Variants in GRID1 observed in about 807,000 individuals in gnomAD.
GRID1 encodes glutamate receptor ionotropic, delta-1.
Under a neutral mutation model 98.0 loss-of-function variants are expected in GRID1, and 28 were observed. That is an observed-to-expected ratio of 0.29 (90% CI 0.21 to 0.39). The LOEUF is 0.39. Among genes scored for constraint, GRID1 ranks in the 10% least tolerant of loss-of-function variants. GRID1 has a pLI of 1.00. For missense variants in GRID1, 1,111 were observed against 1,340.5 expected (o/e 0.83, Z 2.67); for synonymous variants, 553 against 538.5 (o/e 1.03, Z -0.37).
chr10:85,875,673 G>A (rs1309125881), intron 5 of GRID1, among the ~76,000 whole-genome samples: 1 of 151,956 alleles, frequency 6.6e-6, no homozygotes, highest in Non-Finnish European at 1.5e-5. Flanking sequence ...ATTTTAATAT[G>A]CATATCTAAT....
intron 2 of GRID1, among the ~76,000 whole-genome samples, chr10:86,222,648 GC>G (rs1846275657): frequency 6.6e-6 from 1 of 152,184 alleles, no homozygotes; most frequent in Non-Finnish European, 1.5e-5. Context: ...AGCTGTAGGA[GC>G]CCCTAAGTGC....
chr10:86,057,089 G>T (rs1843585244), intron 4 of GRID1, among the ~76,000 whole-genome samples: 2 of 152,220 alleles, frequency 1.3e-5, no homozygotes, highest in Non-Finnish European at 2.9e-5. Context: ...TGGCCCTCGA[G>T]AACCCTCCAG....
intron 4 of GRID1, among the ~76,000 whole-genome samples, chr10:86,131,271 A>T (rs1844832250): frequency 6.6e-6 from 1 of 152,112 alleles, no homozygotes; most frequent in Non-Finnish European, 1.5e-5. Flanking sequence ...CCTCAGGCTC[A>T]GAGGCGAGGC....
At chr10:86,248,015 A>T (rs1846759411) in intron 2 of GRID1, among the ~76,000 whole-genome samples, 1 of 152,164 alleles carries the variant, frequency 6.6e-6, no homozygotes, top group Non-Finnish European at 1.5e-5. Flanking sequence ...GAGATGGGGG[A>T]TCAACAAGAG....
chr10:85,915,683 C>T (rs965935929), intron 5 of GRID1, among the ~76,000 whole-genome samples: 2 of 151,820 alleles, frequency 1.3e-5, no homozygotes, highest in African/African-American at 4.9e-5. Context: ...AACACACATA[C>T]ACACTCACAT....
At chr10:85,629,431 T>A (rs1842950298) in intron 13 of GRID1, among the ~76,000 whole-genome samples, 1 of 147,252 alleles carries the variant, frequency 6.8e-6, no homozygotes, top group African/African-American at 2.5e-5. Context: ...CCACACTCGA[T>A]GTCCAGGTGT....
At position 85,913,056 on chromosome 10, in the gene GRID1, C is replaced by T. The variant is rs372958023; in HGVS notation, c.780+3130G>A. Among the ~76,000 whole-genome samples, 11 of 152,282 alleles carry T rather than the reference C, an allele frequency of 7.2e-5. No individual in the cohort carries two copies. The East Asian group carries it at 1.5e-3, about 21-fold the overall frequency. The stretch of plus-strand genomic sequence containing the variant: ...CCTACTTGTAATTTGGAAAACACCA[C>T]GGTCCTTAACCAGAGGCTACCCTGG... On this transcript the variant is annotated intron_variant, in intron 5 of 15. Transcript: ENST00000327946.
At chr10:85,934,490 C>T (rs1166197839) in intron 4 of GRID1, among the ~76,000 whole-genome samples, 1 of 151,596 alleles carries the variant, frequency 6.6e-6, no homozygotes, top group Non-Finnish European at 1.5e-5. Context: ...AAATGACACA[C>T]CTCCAGGCTA....
intron 8 of GRID1, among the ~76,000 whole-genome samples, chr10:85,798,891 CT>C (rs377365691): frequency 1.4e-4 from 21 of 151,578 alleles, no homozygotes; most frequent in African/African-American, 4.6e-4. Context: ...TATTTGTTGT[CT>C]TTTTTTTGAG....
At chr10:85,699,052 T>TGTTTTGTTTTG (rs1203753794) in intron 12 of GRID1, among the ~76,000 whole-genome samples, 3 of 151,990 alleles carry the variant, frequency 2.0e-5, no homozygotes, top group African/African-American at 7.3e-5. Flanking sequence ...TTTTGTTTTG[T>TGTTTTGTTTTG]TTTTTGTTTT....
At chr10:85,650,869 G>A (rs1025315004) in intron 12 of GRID1, among the ~76,000 whole-genome samples, 1 of 152,196 alleles carries the variant, frequency 6.6e-6, no homozygotes, top group African/African-American at 2.4e-5. Flanking sequence ...AAAATATGTA[G>A]GTGATGGAAT....
intron 5 of GRID1, among the ~76,000 whole-genome samples, chr10:85,875,842 T>C (rs908813667): frequency 1.3e-5 from 2 of 152,226 alleles, no homozygotes; most frequent in Admixed American, 1.3e-4. Flanking sequence ...ACAGCCAATA[T>C]TTATCTATGT....
intron 4 of GRID1, among the ~76,000 whole-genome samples, chr10:85,973,851 T>C (rs1842438095): frequency 6.6e-6 from 1 of 152,244 alleles, no homozygotes; most frequent in Non-Finnish European, 1.5e-5. Context: ...GCATGGGTTC[T>C]GAAGTCAGAT....
rs1157519591 is a variant in GRID1 at position 85,602,582 on chromosome 10, G to GC, written c.2720dup (p.Leu908ProfsTer153). On this transcript the variant is annotated frameshift_variant, in exon 16 of 16. Coordinates refer to ENST00000327946, the MANE Select transcript of GRID1 (RefSeq NM_017551.3). LOFTEE classifies it high-confidence loss of function. The stretch of plus-strand genomic sequence containing the variant: ...GCTCCAAGGTCTGGGTGGGAGCCAG[G>GC]CCCCCCATCTCCAGGGCCGAGAGCT... 1 of 1,613,868 alleles carries GC rather than the reference G, an allele frequency of 6.2e-7. No homozygotes were observed. The highest frequency in any genetic ancestry group is 1.3e-5 in the African/African-American group (1 of 74,980).
chr10:86,243,858 C>T (rs536145659), intron 2 of GRID1, among the ~76,000 whole-genome samples: 2 of 152,324 alleles, frequency 1.3e-5, no homozygotes, highest in African/African-American at 2.4e-5. Flanking sequence ...GGGGTCAAGC[C>T]GATCCCTCAG....
chr10:85,864,761 G>T (rs1843199201), intron 6 of GRID1, among the ~76,000 whole-genome samples: 3 of 152,142 alleles, frequency 2.0e-5, no homozygotes, highest in Admixed American at 2.0e-4. Context: ...CACAGAGGAG[G>T]AATGATTCAA....
chr10:85,770,456 C>T lies in GRID1; in HGVS notation c.1234-40842G>A, dbSNP rs564683163. Among the ~76,000 whole-genome samples the T allele has an allele frequency of 2.0e-4, 30 of 152,264 alleles. No homozygotes were observed. In the East Asian group the frequency reaches 2.7e-3, roughly 14 times the overall value. ...AAGGAATGCAGCTCCTCATGAGCAA[C>T]GGAACAAAGCTGGACGGAGAATGCC... On this transcript the variant is annotated intron_variant, in intron 8 of 15. Transcript: ENST00000327946.
At chr10:86,034,650 C>G (rs1161682506) in intron 4 of GRID1, among the ~76,000 whole-genome samples, 1 of 151,614 alleles carries the variant, frequency 6.6e-6, no homozygotes, top group African/African-American at 2.4e-5. Flanking sequence ...CCTGGGCTCC[C>G]CTGGCATCTA....
intron 13 of GRID1, 132 bp downstream of exon 13, chr10:85,647,070 T>C (rs1412192237): frequency 2.8e-6 from 2 of 718,318 alleles, no homozygotes; most frequent in East Asian, 2.5e-5. Flanking sequence ...CTAAAGAACG[T>C]GTGCGATGGA....
Sources: allele counts gnomAD v4.1 joint callset (sites outside exome capture counted in the v4.1 genomes callset), GRCh38; gene constraint gnomAD v4.1.1; transcripts MANE v1.5; gene names NCBI Gene and HGNC (gene_info 2026-07-23, HGNC 2026-07-21).